The following NEK11 variants were observed in gnomAD, a reference collection of about 807,000 sequenced individuals.
The protein encoded by NEK11 is NIMA related kinase 11.
A neutral mutation model predicts 80.7 loss-of-function variants in NEK11; 72 were observed. That is an observed-to-expected ratio of 0.89 (90% CI 0.74 to 1.08). The LOEUF (loss-of-function observed/expected upper bound fraction) is 1.08. Ranked by LOEUF, NEK11 falls within the 50% of genes least tolerant of loss-of-function variation. The pLI, the probability that NEK11 is intolerant of heterozygous loss-of-function variation, is 0.00. For synonymous variants in NEK11, 251 were observed against 260.7 expected, an observed-to-expected ratio of 0.96 and a Z score of 0.36; for missense variants, 764 against 763.6, an observed-to-expected ratio of 1.00 and a Z score of -0.01.
intron 14 of NEK11, among the ~76,000 whole-genome samples, chr3:131,181,777 CTT>C (rs1321322880): frequency 7.2e-6 from 1 of 138,994 alleles, no homozygotes; most frequent in Non-Finnish European, 1.6e-5. Flanking sequence ...GAAAAGATAA[CTT>C]TGTGTTATGT....
At chr3:131,119,599 G>A (rs1302677649) in intron 5 of NEK11, among the ~76,000 whole-genome samples, 3 of 152,116 alleles carry the variant, frequency 2.0e-5, no homozygotes, top group African/African-American at 7.2e-5. Context: ...TATTGTGTGG[G>A]AGTCTAAGTC....
At chr3:131,235,549 G>A (rs1299005327) in intron 15 of NEK11, among the ~76,000 whole-genome samples, 1 of 152,076 alleles carries the variant, frequency 6.6e-6, no homozygotes, top group African/African-American at 2.4e-5. Flanking sequence ...GACACATGGG[G>A]GCCATTGTTG....
chr3:131,106,561 G>T (rs938756496), intron 4 of NEK11, among the ~76,000 whole-genome samples: 2 of 152,046 alleles, frequency 1.3e-5, no homozygotes, highest in East Asian at 3.9e-4. Flanking sequence ...ACTAAATGCC[G>T]ACAACTCTGA....
chr3:131,210,185 CTT>C (rs1238708430), intron 14 of NEK11, among the ~76,000 whole-genome samples: 3 of 152,152 alleles, frequency 2.0e-5, no homozygotes, highest in Admixed American at 2.0e-4. Context: ...TATGTTGTGT[CTT>C]TGTTCTCATT....
intron 17 of NEK11, among the ~76,000 whole-genome samples, chr3:131,319,637 T>G (rs1165858811): frequency 1.3e-5 from 2 of 152,196 alleles, no homozygotes; most frequent in Non-Finnish European, 2.9e-5. Flanking sequence ...AGAGTTTACC[T>G]GACTGTGACA....
At chr3:131,286,799 A>G (rs959580840) in intron 17 of NEK11, among the ~76,000 whole-genome samples, 19 of 152,212 alleles carry the variant, frequency 1.2e-4, no homozygotes, top group Non-Finnish European at 2.2e-4. Flanking sequence ...ACAGTATGGT[A>G]TGAAGATATT....
intron 4 of NEK11, among the ~76,000 whole-genome samples, chr3:131,106,724 C>T (rs973025152): frequency 7.2e-5 from 11 of 151,976 alleles, no homozygotes; most frequent in Admixed American, 5.9e-4. Flanking sequence ...TTTCTTTAAA[C>T]CAATTAAATA....
chr3:131,120,464 G>A (rs2082169962), intron 5 of NEK11, among the ~76,000 whole-genome samples: 1 of 152,126 alleles, frequency 6.6e-6, no homozygotes, highest in Admixed American at 6.5e-5. Context: ...GCTTGGAGTT[G>A]CTCGTCTTGA....
At chr3:131,103,489 G>A (rs552236406) in intron 4 of NEK11, among the ~76,000 whole-genome samples, 28 of 152,298 alleles carry the variant, frequency 1.8e-4, no homozygotes, top group Admixed American at 8.5e-4. Context: ...AAGCTTAAGC[G>A]TATTTGCTGG....
chr3:131,324,456 T>TA (rs2096934477), intron 17 of NEK11, among the ~76,000 whole-genome samples: 1 of 152,234 alleles, frequency 6.6e-6, no homozygotes, highest in South Asian at 2.1e-4. Flanking sequence ...TTGTGATTTT[T>TA]AAAAAATTGT....
chr3:131,330,552 A>G (rs1350399620), intron 17 of NEK11: 1 of 152,184 alleles, frequency 6.6e-6, no homozygotes, highest in Non-Finnish European at 1.5e-5. Flanking sequence ...CATTTTGGGG[A>G]AAATATTGGA....
At chr3:131,326,150 A>C (rs939433969) in intron 17 of NEK11, 5 of 152,162 alleles carry the variant, frequency 3.3e-5, no homozygotes, top group Non-Finnish European at 5.9e-5. Context: ...AATTTTGGGG[A>C]AGAATTAATC....
intron 17 of NEK11, among the ~76,000 whole-genome samples, chr3:131,319,902 A>G (rs1419238914): frequency 6.6e-6 from 1 of 152,140 alleles, no homozygotes; most frequent in Non-Finnish European, 1.5e-5. Flanking sequence ...TAAACAATGC[A>G]GCCTCCAGAA....
chr3:131,049,841 T>C (rs1487033923), intron 3 of NEK11, among the ~76,000 whole-genome samples: 1 of 152,118 alleles, frequency 6.6e-6, no homozygotes, highest in Non-Finnish European at 1.5e-5. Flanking sequence ...TATATATCTA[T>C]GAATACTTTT....
chr3:131,092,552 C>A (rs547125517), intron 4 of NEK11, among the ~76,000 whole-genome samples: 1 of 152,276 alleles, frequency 6.6e-6, no homozygotes, highest in East Asian at 1.9e-4. Flanking sequence ...GAAAGGGCAG[C>A]ATGAGATGTT....
chr3:131,246,880 T>C (rs2095611148), intron 16 of NEK11, among the ~76,000 whole-genome samples: 1 of 152,188 alleles, frequency 6.6e-6, no homozygotes, highest in Admixed American at 6.5e-5. Context: ...GTTGAGCATT[T>C]TTTCATATGC....
Position 131,228,621 on chromosome 3 carries a change from C to T in NEK11, c.1493C>T (p.Ala498Val), listed in dbSNP as rs375664389. The T allele has an allele frequency of 4.5e-5, 72 of 1,613,390 alleles. No homozygotes were observed. Among genetic ancestry groups the T allele is most frequent in the Admixed American group, 2.5e-4 (15 of 59,948 alleles). Reference protein sequence around the residue: ...EESDEEEEEIALERPEKEIRN... With the variant: ...EESDEEEEEIVLERPEKEIRN... ...AGTGATGAGGAGGAAGAAGAAATAG[C>T]GTTAGAAAGACCAGAGAAAGAAATC... Residue 498 changes from alanine (A) to valine (V), a missense_variant, in exon 15 of 18, where the codon GCG (alanine) becomes GTG (valine). Ala to Val is a moderately conservative substitution (Grantham distance 64). Coordinates refer to ENST00000383366, the MANE Select transcript of NEK11 (RefSeq NM_024800.5).
At position 131,099,932 on chromosome 3, in the gene NEK11, G is replaced by A. The variant is rs542403771; in HGVS notation, c.337-9871G>A. On this transcript the variant is annotated intron_variant, in intron 4 of 17. Coordinates refer to ENST00000383366, the MANE Select transcript of NEK11 (RefSeq NM_024800.5). ...TCAGCAAAGAGAGATAGCTGACTTC[G>A]TTTTGGATGCCTTTTATTTCTTTCT... is the stretch of plus-strand genomic sequence containing the variant. Among the ~76,000 whole-genome samples the A allele has an allele frequency of 2.3e-4, 35 of 151,994 alleles. No homozygotes were observed. The East Asian group carries it at 5.0e-3, about 22-fold the overall frequency.
intron 2 of NEK11, 52 bp from the exon 3 acceptor site, chr3:131,029,561 A>G (rs1029355791): frequency 5.9e-6 from 4 of 675,330 alleles, no homozygotes; most frequent in Non-Finnish European, 9.8e-6. Context: ...ACTTTTTGTT[A>G]GACATCGTTT....
Sources: allele counts gnomAD v4.1 joint callset (sites outside exome capture counted in the v4.1 genomes callset), GRCh38; gene constraint gnomAD v4.1.1; transcripts MANE v1.5; gene names NCBI Gene and HGNC (gene_info 2026-07-23, HGNC 2026-07-21).